Variants in GMDS observed in about 807,000 individuals in gnomAD.
GMDS encodes GDP-mannose 4,6-dehydratase, also known as GDP-mannose 4,6 dehydratase.
In GMDS, 20 loss-of-function variants were observed where a neutral mutation model predicts 49.9. That is an observed-to-expected ratio of 0.40 (90% confidence interval 0.28 to 0.58). GMDS has a LOEUF of 0.58. Ranked by LOEUF, GMDS falls within the 20% of genes least tolerant of loss-of-function variation. The pLI, the probability that GMDS is intolerant of heterozygous loss-of-function variation, is 0.42. For synonymous variants in GMDS, 177 were observed against 178.6 expected, an observed-to-expected ratio of 0.99 and a Z score of 0.07; for missense variants, 362 against 481.4, an observed-to-expected ratio of 0.75 and a Z score of 2.32.
intron 4 of GMDS, among the ~76,000 whole-genome samples, chr6:1,975,669 C>G (rs1242841980): frequency 2.6e-5 from 4 of 152,152 alleles, no homozygotes; most frequent in Non-Finnish European, 4.4e-5. Context: ...GAATAGGAAA[C>G]TGCAAGATCT....
intron 1 of GMDS, among the ~76,000 whole-genome samples, chr6:2,222,981 C>T (rs1470275280): frequency 1.3e-5 from 2 of 152,074 alleles, no homozygotes; most frequent in Non-Finnish European, 2.9e-5. Context: ...TGCCTCCAAG[C>T]GGCCTAGATG....
At chr6:1,926,694 T>C (rs1006586281) in intron 7 of GMDS, among the ~76,000 whole-genome samples, 4 of 152,394 alleles carry the variant, frequency 2.6e-5, no homozygotes, top group Admixed American at 6.5e-5. Context: ...AGTAATCTTA[T>C]GTTAATACAC....
intron 9 of GMDS, chr6:1,679,084 A>G (rs1764710480): frequency 6.6e-6 from 1 of 152,224 alleles, no homozygotes; most frequent in Admixed American, 6.5e-5. Context: ...CTCTCTCCGC[A>G]CACACACAGT....
chr6:2,051,565 G>A (rs556607935), intron 4 of GMDS, among the ~76,000 whole-genome samples: 1 of 152,246 alleles, frequency 6.6e-6, no homozygotes, highest in Non-Finnish European at 1.5e-5. Flanking sequence ...TTTTTGTGGG[G>A]TTTTTTGGTA....
At chr6:1,730,749 T>TA (rs1766767610) in intron 8 of GMDS, among the ~76,000 whole-genome samples, 1 of 152,114 alleles carries the variant, frequency 6.6e-6, no homozygotes, top group Non-Finnish European at 1.5e-5. Context: ...AAAGGCCCCG[T>TA]CAAGTCCTCT....
chr6:1,673,062 T>C (rs1764479123), intron 9 of GMDS, among the ~76,000 whole-genome samples: 1 of 152,216 alleles, frequency 6.6e-6, no homozygotes, highest in African/African-American at 2.4e-5. Context: ...TGGCAGCGGA[T>C]CCAGCAGGCC....
intron 1 of GMDS, among the ~76,000 whole-genome samples, chr6:2,209,653 T>A (rs1300739963): frequency 6.6e-6 from 1 of 152,060 alleles, no homozygotes; most frequent in Non-Finnish European, 1.5e-5. Flanking sequence ...AAACTTCTGC[T>A]TATTTTACCT....
intron 4 of GMDS, among the ~76,000 whole-genome samples, chr6:1,972,262 G>GTTT (rs5873825): frequency 1.3e-4 from 18 of 133,678 alleles, no homozygotes; most frequent in African/African-American, 3.3e-4. Context: ...CTGGGTTTTT[G>GTTT]TTTTTTTTTT....
intron 4 of GMDS, among the ~76,000 whole-genome samples, chr6:2,076,070 T>A (rs1199832549): frequency 6.6e-6 from 1 of 152,252 alleles, no homozygotes; most frequent in Non-Finnish European, 1.5e-5. Context: ...GAGAAGTGTC[T>A]GTTCATATCC....
intron 7 of GMDS, among the ~76,000 whole-genome samples, chr6:1,796,170 G>C (rs1769725960): frequency 6.6e-6 from 1 of 152,162 alleles, no homozygotes; most frequent in African/African-American, 2.4e-5. Flanking sequence ...AGAGATCCTG[G>C]AATGCTGGCT....
chr6:1,828,498 T>C (rs1771224109), intron 7 of GMDS, among the ~76,000 whole-genome samples: 1 of 152,132 alleles, frequency 6.6e-6, no homozygotes, highest in Non-Finnish European at 1.5e-5. Flanking sequence ...CATATTCAAA[T>C]TGTCAAAAGC....
chr6:2,089,993 A>G (rs1396247037), intron 4 of GMDS, among the ~76,000 whole-genome samples: 5 of 152,208 alleles, frequency 3.3e-5, no homozygotes, highest in Non-Finnish European at 7.3e-5. Flanking sequence ...TAGGACTGTC[A>G]AAATGAAGTT....
chr6:1,649,987 C>T (rs867001944), intron 9 of GMDS, among the ~76,000 whole-genome samples: 58 of 152,314 alleles, frequency 3.8e-4, no homozygotes, highest in Middle Eastern at 3.4e-3. Flanking sequence ...TGCACCTTGC[C>T]TTCTGAAAGT....
intron 4 of GMDS, among the ~76,000 whole-genome samples, chr6:2,109,353 T>C (rs781145699): frequency 1.3e-5 from 2 of 152,180 alleles, no homozygotes; most frequent in Non-Finnish European, 2.9e-5. Context: ...GAGAAGCTGA[T>C]GCTTAAGTTC....
chr6:1,971,641 A>G (rs1764620027), intron 4 of GMDS, among the ~76,000 whole-genome samples: 1 of 152,164 alleles, frequency 6.6e-6, no homozygotes, highest in Non-Finnish European at 1.5e-5. Flanking sequence ...CCCTGCTCCC[A>G]GTGACTCTGA....
At chr6:1,837,228 T>C (rs1042313768) in intron 7 of GMDS, among the ~76,000 whole-genome samples, 1 of 152,212 alleles carries the variant, frequency 6.6e-6, no homozygotes, top group African/African-American at 2.4e-5. Context: ...TAAATGTTTA[T>C]TATAATTGTA....
chr6:1,634,862 A>G (rs968320285), intron 9 of GMDS, among the ~76,000 whole-genome samples: 1 of 152,040 alleles, frequency 6.6e-6, no homozygotes, highest in Non-Finnish European at 1.5e-5. Context: ...GGTGAACTTG[A>G]GATGATCTTG....
At position 1,853,466 on chromosome 6, in the gene GMDS, T is replaced by C. The variant is rs966143533; in HGVS notation, c.771+76637A>G. Among the ~76,000 whole-genome samples the C allele has an allele frequency of 9.7e-5, 13 of 133,660 alleles. No individual in the cohort carries two copies. In the East Asian group the frequency reaches 1.1e-3, roughly 11 times the overall value. 87.7% of individuals were successfully genotyped at this position (133,660 alleles called of 152,430 possible). On this transcript the variant is annotated intron_variant, in intron 7 of 10. Coordinates refer to ENST00000380815, the MANE Select transcript of GMDS (RefSeq NM_001500.4). ...CCGGGAGGCGGAGCTTGCAGTGAGC[T>C]GAGATCGCGCCACTGCACTCCAGCC...
intron 7 of GMDS, among the ~76,000 whole-genome samples, chr6:1,886,507 T>C (rs908090285): frequency 5.9e-5 from 9 of 152,144 alleles, no homozygotes; most frequent in African/African-American, 1.4e-4. Context: ...CAATAAAAAA[T>C]AGACTACTAG....
Sources: allele counts gnomAD v4.1 joint callset (sites outside exome capture counted in the v4.1 genomes callset), GRCh38; gene constraint gnomAD v4.1.1; transcripts MANE v1.5; gene names NCBI Gene and HGNC (gene_info 2026-07-23, HGNC 2026-07-21).